ASPRV1: variants seen among roughly 807,000 people sequenced by gnomAD.
ASPRV1 encodes the protein retroviral-like aspartic protease 1.
A neutral mutation model predicts 11.0 loss-of-function variants in ASPRV1; 7 were observed. The observed-to-expected ratio is 0.64, with a 90% CI of 0.36 to 1.20. The LOEUF is 1.20. Ranked by LOEUF, ASPRV1 falls within the 50% of genes most tolerant of loss-of-function variation. The pLI is 0.02. For missense variants in ASPRV1, 299 were observed against 320.0 expected, an observed-to-expected ratio of 0.93 and a Z score of 0.50; for synonymous variants, 136 against 138.4, an observed-to-expected ratio of 0.98 and a Z score of 0.12.
At chr2:70,031,182 CTA>C in the ASPRV1 span, 6 of 152,046 alleles carry the variant, frequency 3.9e-5, no homozygotes, top group Non-Finnish European at 8.8e-5. Flanking sequence ...TGGTTTTTTT[CTA>C]TGAGGAGGAT....
the ASPRV1 span, chr2:70,028,472 G>A: frequency 1.3e-5 from 2 of 152,048 alleles, no homozygotes; most frequent in African/African-American, 4.8e-5. Context: ...ATGGCTCAAG[G>A]GCTATAAATT....
the ASPRV1 span, among the ~76,000 whole-genome samples, chr2:70,007,242 C>T: frequency 1.3e-5 from 2 of 152,180 alleles, no homozygotes; most frequent in East Asian, 1.9e-4. Context: ...TTAAGCCGGG[C>T]GCAGGTTGCT....
At chr2:69,965,309 A>G (rs1375992505), upstream of ASPRV1, among the ~76,000 whole-genome samples, 3 of 152,300 alleles carry the variant, frequency 2.0e-5, no homozygotes, top group Non-Finnish European at 2.9e-5. Context: ...CTGGGATTAC[A>G]GGCGTGAGCC....
At chr2:70,068,434 G>A in the ASPRV1 span, among the ~76,000 whole-genome samples, 1 of 152,196 alleles carries the variant, frequency 6.6e-6, no homozygotes. Context: ...TACAGAAAAA[G>A]GAGGCGGCAA....
the ASPRV1 span, chr2:70,046,651 A>G: frequency 6.6e-6 from 1 of 152,142 alleles, no homozygotes. Context: ...GGGTCTGAGA[A>G]GCCAAACACC....
chr2:70,076,803 C>A, the ASPRV1 span, among the ~76,000 whole-genome samples: 1 of 152,172 alleles, frequency 6.6e-6, no homozygotes, highest in Non-Finnish European at 1.5e-5. Flanking sequence ...CATGACTGCA[C>A]GGCTGAGTGG....
chr2:70,080,314 C>T, the ASPRV1 span, among the ~76,000 whole-genome samples: 1 of 152,044 alleles, frequency 6.6e-6, no homozygotes, highest in Non-Finnish European at 1.5e-5. Context: ...GCAACCTCCG[C>T]CTCCCAGGTT....
the ASPRV1 span, among the ~76,000 whole-genome samples, chr2:69,982,288 T>C: frequency 1.4e-5 from 2 of 138,550 alleles, no homozygotes; most frequent in Non-Finnish European, 3.0e-5. Flanking sequence ...ACCTCATCCC[T>C]ACTAAAAAAA....
At chr2:69,982,031 TCATCTATC>T in the ASPRV1 span, among the ~76,000 whole-genome samples, 7 of 141,094 alleles carry the variant, frequency 5.0e-5, no homozygotes, top group African/African-American at 1.9e-4. Context: ...TCCCTCCCTC[TCATCTATC>T]CATCCATCCA....
chr2:70,077,366 T>C, the ASPRV1 span: 1 of 152,166 alleles, frequency 6.6e-6, no homozygotes, highest in Non-Finnish European at 1.5e-5. Context: ...TTCCTTCATG[T>C]AATACAGGAT....
chr2:70,060,072 T>C, the ASPRV1 span: 1 of 152,176 alleles, frequency 6.6e-6, no homozygotes, highest in Admixed American at 6.6e-5. Context: ...CTAGGTGTGG[T>C]GGCTAATGCC....
chr2:69,977,828 CCAG>C, the ASPRV1 span, among the ~76,000 whole-genome samples: 1 of 152,140 alleles, frequency 6.6e-6, no homozygotes, highest in African/African-American at 2.4e-5. Flanking sequence ...ATTAGTAACT[CCAG>C]AGGGGGGAGT....
At chr2:70,009,894 C>T in the ASPRV1 span, among the ~76,000 whole-genome samples, 36 of 152,244 alleles carry the variant, frequency 2.4e-4, no homozygotes, top group East Asian at 4.8e-3. Context: ...ATCTGTAGGG[C>T]GAAGCCCCAC....
At chr2:70,082,725 A>C in the ASPRV1 span, among the ~76,000 whole-genome samples, 1 of 151,968 alleles carries the variant, frequency 6.6e-6, no homozygotes, top group Non-Finnish European at 1.5e-5. Context: ...ATAAATACAT[A>C]AATTAATTTA....
the ASPRV1 span, chr2:70,016,129 A>G: frequency 6.6e-6 from 1 of 152,238 alleles, no homozygotes; most frequent in Non-Finnish European, 1.5e-5. Context: ...CCAAGTGCAC[A>G]TGGAACATTC....
At chr2:70,074,150 A>C in the ASPRV1 span, among the ~76,000 whole-genome samples, 2 of 149,982 alleles carry the variant, frequency 1.3e-5, no homozygotes, top group African/African-American at 2.4e-5. Flanking sequence ...AAAAAAAAAA[A>C]AAAAAAAAAA....
the ASPRV1 span, among the ~76,000 whole-genome samples, chr2:70,070,965 A>ACAC: frequency 1.3e-5 from 2 of 152,162 alleles, no homozygotes; most frequent in Non-Finnish European, 2.9e-5. Flanking sequence ...ACTGCCCTGT[A>ACAC]CACCACAGTC....
chr2:70,026,032 T>C, the ASPRV1 span, among the ~76,000 whole-genome samples: 110 of 152,266 alleles, frequency 7.2e-4, no homozygotes, highest in Admixed American at 1.2e-3. Flanking sequence ...CTCTAAGATA[T>C]GGAACAACAG....
chr2:69,965,986 A>T (rs1163072930), upstream of ASPRV1, among the ~76,000 whole-genome samples: 1 of 152,170 alleles, frequency 6.6e-6, no homozygotes, highest in Non-Finnish European at 1.5e-5. Context: ...CCTAGCTCAG[A>T]ACCCCTCTAA....
Sources: allele counts gnomAD v4.1 joint callset (sites outside exome capture counted in the v4.1 genomes callset), GRCh38; gene constraint gnomAD v4.1.1; transcripts MANE v1.5; gene names NCBI Gene and HGNC (gene_info 2026-07-23, HGNC 2026-07-21).